The following PLOD1 variants were observed in gnomAD, a reference collection of about 807,000 sequenced individuals.
PLOD1 encodes the protein procollagen-lysine,2-oxoglutarate 5-dioxygenase 1, also known as lysine hydroxylase.
Under a neutral mutation model 94.7 loss-of-function variants are expected in PLOD1, and 70 were observed. The ratio of observed to expected loss-of-function variants is 0.74; its 90% CI spans 0.61 to 0.90. The LOEUF (loss-of-function observed/expected upper bound fraction) is 0.90, where lower values mean the gene tolerates loss of function less well. PLOD1 is among the 40% of genes least tolerant of loss of function. PLOD1 has a pLI of 0.00. For missense variants in PLOD1, 905 were observed against 972.7 expected (o/e 0.93, Z 0.93); for synonymous variants, 417 against 400.2 (o/e 1.04, Z -0.50).
intron 1 of PLOD1, among the ~76,000 whole-genome samples, chr1:11,943,147 G>A (rs1278755511): frequency 1.3e-5 from 2 of 151,982 alleles, no homozygotes; most frequent in Non-Finnish European, 2.9e-5. Context: ...CCACCACCAT[G>A]CCTAGCTAAT....
At chr1:11,934,911 C>CG in intron 1 of PLOD1, 56 bp downstream of exon 1, 1 of 1,512,216 alleles carries the variant, frequency 6.6e-7, no homozygotes, top group Non-Finnish European at 8.8e-7. Context: ...GGGCTGGTGT[C>CG]GGGCTGCCTC....
At chr1:11,955,004 G>GACCT in intron 6 of PLOD1, 111 bp downstream of exon 6, 1 of 833,516 alleles carries the variant, frequency 1.2e-6, no homozygotes, top group Non-Finnish European at 2.0e-6. Context: ...TGGCCATTGT[G>GACCT]CTGAGAGGTC....
chr1:11,959,931 C>CTT (rs1192824528), intron 9 of PLOD1, among the ~76,000 whole-genome samples: 14 of 123,310 alleles, frequency 1.1e-4, no homozygotes, highest in South Asian at 2.6e-4. Flanking sequence ...GTTGTTTTTC[C>CTT]TTTTTTTTTT....
At chr1:11,964,327 T>TGCTCCGGGGGGGGGGGGGGGGGGGG in intron 12 of PLOD1, 27 bp downstream of exon 12, 1 of 546,372 alleles carries the variant, frequency 1.8e-6, no homozygotes, top group Non-Finnish European at 3.2e-6. Flanking sequence ...TGGGGGTGGG[T>TGCTCCGGGGGGGGGGGGGGGGGGGG]GGGGGACACC....
intron 5 of PLOD1, among the ~76,000 whole-genome samples, chr1:11,953,872 T>G (rs748655475): frequency 5.9e-5 from 9 of 151,838 alleles, no homozygotes; most frequent in African/African-American, 1.2e-4. Flanking sequence ...TAGAATAGTT[T>G]ATTTATTTAT....
intron 1 of PLOD1, 54 bp downstream of exon 1, chr1:11,934,909 G>GTCGGGCTGCCTCCCTGGGA (rs2100729806): frequency 6.6e-7 from 1 of 1,515,752 alleles, no homozygotes; most frequent in African/African-American, 1.4e-5. Flanking sequence ...GAGGGCTGGT[G>GTCGGGCTGCCTCCCTGGGA]TCGGGCTGCC....
rs557089044 is a variant in PLOD1 at position 11,969,047 on chromosome 1, C to T, written c.1756-1623C>T. ...TTTTTTTTTTTTTTTTTTTTTGAGA[C>T]GGAGTTTTGCTCGTCACCCAGGTGG... On this transcript the variant is annotated intron_variant, in intron 16 of 18. Coordinates refer to ENST00000196061, the MANE Select transcript of PLOD1 (RefSeq NM_000302.4). 2.3e-3 allele frequency among the ~76,000 whole-genome samples: 287 copies of T among 126,520 alleles called. 1 individual carries two copies. The highest frequency in any genetic ancestry group is 0.013 in the Middle Eastern group (3 of 226). The allele number at this position is 126,520 out of a possible 152,430, so 83.0% of individuals were successfully genotyped here. A position where few individuals can be genotyped will look rare whatever the true frequency, so the allele number is the denominator to read the frequency against.
rs985175057 is a variant in PLOD1 at position 11,955,622 on chromosome 1, CT to C, written c.643+738del. 3.3e-5 allele frequency among the ~76,000 whole-genome samples: 5 copies of C among 151,026 alleles called. No individual in the cohort carries two copies. The Admixed American group carries it at 3.3e-4, about 10-fold the overall frequency. ...CGCAGGTCAGGAGCTATCTGTTTTC[CT>C]TTTTTTTTCTTCTTTTTTAAGATGG... On this transcript the variant is annotated intron_variant, in intron 6 of 18. Coordinates refer to ENST00000196061, the MANE Select transcript of PLOD1 (RefSeq NM_000302.4).
At chr1:11,952,572 G>C (rs1232242661) in intron 4 of PLOD1, 51 bp from the exon 5 acceptor site, 2 of 1,348,864 alleles carry the variant, frequency 1.5e-6, no homozygotes, top group Non-Finnish European at 2.1e-6. Flanking sequence ...CCCTGACTTA[G>C]AGGCTGGAAG....
rs1247774306 is a variant in PLOD1 at position 11,952,610 on chromosome 1, C to T, written c.467-13C>T. ...AAGGGTCCGTCTTGGTGTCCCCACC[C>T]ACCAACCTTCAGGCTTCATCGGTTA... On this transcript the variant is annotated splice_polypyrimidine_tract_variant and intron_variant, in intron 4 of 18. Transcript: ENST00000196061. 2.5e-6 allele frequency: 4 copies of T among 1,604,816 alleles called. No homozygotes were observed. Among genetic ancestry groups the T allele is most frequent in the African/African-American group, 2.7e-5 (2 of 74,730 alleles).
At chr1:11,952,583 C>A in intron 4 of PLOD1, 40 bp from the exon 5 acceptor site, 1 of 1,460,496 alleles carries the variant, frequency 6.8e-7, no homozygotes, top group Non-Finnish European at 9.6e-7. Flanking sequence ...AGGCTGGAAG[C>A]TAAGGGTCCG....
intron 1 of PLOD1, among the ~76,000 whole-genome samples, chr1:11,942,721 G>C (rs2100736659): frequency 6.6e-6 from 1 of 152,254 alleles, no homozygotes; most frequent in African/African-American, 2.4e-5. Flanking sequence ...CGGACCAAGG[G>C]GATGGATTGG....
rs35656581 is a variant in PLOD1, at chr1:11,960,729, G to C, written c.1059G>C (p.Glu353Asp). The change falls in exon 10 of 19, where the codon GAG becomes GAC. Residue 353 changes from glutamate to aspartate, a missense_variant. Glu to Asp is a conservative substitution (Grantham distance 45). Transcript: ENST00000196061. The part of the protein sequence containing the change: ...EYQSVKLVGP[E>D]VRMANADARN... The stretch of plus-strand genomic sequence containing the variant: ...AGTCTGTGAAGCTGGTGGGCCCTGA[G>C]GTGCGGATGGCGAATGCAGATGCCA... The C allele has an allele frequency of 8.7e-6, 14 of 1,613,606 alleles. No homozygotes were observed. In the South Asian group the frequency reaches 1.5e-4, roughly 18 times the overall value.
intron 1 of PLOD1, among the ~76,000 whole-genome samples, chr1:11,939,100 G>A (rs1268970390): frequency 2.0e-5 from 3 of 151,578 alleles, no homozygotes; most frequent in East Asian, 1.9e-4. Context: ...TGATTTGGCC[G>A]TGGTGAGAGA....
chr1:11,964,269 G>A lies in PLOD1; in HGVS notation c.1297G>A (p.Asp433Asn). 3 of 1,403,696 alleles carry A rather than the reference G, an allele frequency of 2.1e-6. No homozygotes were observed. Among genetic ancestry groups the A allele is most frequent in the Non-Finnish European group, 2.9e-6 (3 of 1,048,560 alleles). 87.0% of individuals were successfully genotyped at this position (1,403,696 alleles called of 1,614,324 possible). A position where few individuals can be genotyped will look rare whatever the true frequency, so the allele number is the denominator to read the frequency against. ...AGATGGCTACTATGCCCGTTCCGAG[G>A]ACTACGTGGACATTGTGCAGGGGCG... Reference protein sequence around the residue: ...SADGYYARSEDYVDIVQGRRV... With the variant: ...SADGYYARSENYVDIVQGRRV... Residue 433 changes from aspartate to asparagine, a missense_variant, in exon 12 of 19, where the codon GAC (aspartate) becomes AAC (asparagine). Coordinates refer to ENST00000196061, the MANE Select transcript of PLOD1 (RefSeq NM_000302.4).
In PLOD1 at chr1:11,958,160, C is replaced by T. The variant is rs941633859; in HGVS notation, c.843+217C>T. 2.0e-5 allele frequency among the ~76,000 whole-genome samples: 3 copies of T among 152,102 alleles called. No individual in the cohort carries two copies. Among genetic ancestry groups the T allele is most frequent in the African/African-American group, 7.2e-5 (3 of 41,422 alleles). On this transcript the variant is annotated intron_variant, in intron 8 of 18. Transcript: ENST00000196061. The surrounding 1 kb of genome is among the most constrained non-coding windows in gnomAD (Gnocchi z 4.3). ...TAGCTTCCCCCGAGATGTCCAGGTT[C>T]TGGTTTCTTCTGCCTGGTCCTTCAG...
intron 12 of PLOD1, 145 bp downstream of exon 12, chr1:11,964,445 C>T: frequency 2.0e-6 from 2 of 985,552 alleles, no homozygotes; most frequent in Non-Finnish European, 3.2e-6. Flanking sequence ...CAGTTAGACA[C>T]ACAGAAGGAC....
intron 1 of PLOD1, among the ~76,000 whole-genome samples, chr1:11,942,322 AGT>A (rs1383557455): frequency 1.3e-5 from 2 of 152,166 alleles, no homozygotes; most frequent in Non-Finnish European, 2.9e-5. Context: ...CAGAATGTAC[AGT>A]GTGTCTTGGT....
chr1:11,947,127 G>A (rs1246820702), intron 1 of PLOD1, among the ~76,000 whole-genome samples: 2 of 151,960 alleles, frequency 1.3e-5, no homozygotes, highest in African/African-American at 2.4e-5. Flanking sequence ...AAATTAGCTG[G>A]GCATGGTGGC....
Sources: allele counts gnomAD v4.1 joint callset (sites outside exome capture counted in the v4.1 genomes callset), GRCh38; gene constraint gnomAD v4.1.1; non-coding constraint Gnocchi (gnomAD v3.1); transcripts MANE v1.5; gene names NCBI Gene and HGNC (gene_info 2026-07-23, HGNC 2026-07-21).